BORCS5: variants seen among roughly 807,000 people sequenced by gnomAD.
BORCS5 encodes the protein BLOC-1-related complex subunit 5.
Under a neutral mutation model 22.1 loss-of-function variants are expected in BORCS5, and 17 were observed. The observed-to-expected ratio is 0.77, with a 90% confidence interval of 0.53 to 1.15. The LOEUF (loss-of-function observed/expected upper bound fraction) is 1.15, where lower values mean the gene tolerates loss of function less well. BORCS5 is among the 50% of genes most tolerant of loss of function. The pLI is 0.00. For missense variants in BORCS5, 247 were observed against 253.2 expected, an observed-to-expected ratio of 0.98 and a Z score of 0.17; for synonymous variants, 117 against 99.8, an observed-to-expected ratio of 1.17 and a Z score of -1.03.
At chr12:12,375,984 T>C (rs1863641462) in intron 2 of BORCS5, among the ~76,000 whole-genome samples, 1 of 151,992 alleles carries the variant, frequency 6.6e-6, no homozygotes, top group South Asian at 2.1e-4. Flanking sequence ...TCTGTATTTT[T>C]AGTGGAGATG....
intron 2 of BORCS5, among the ~76,000 whole-genome samples, chr12:12,393,816 C>T (rs763297187): frequency 6.6e-6 from 1 of 151,746 alleles, no homozygotes; most frequent in Non-Finnish European, 1.5e-5. Flanking sequence ...CCATCGCGCC[C>T]GGCCTTTGTC....
At chr12:12,439,559 C>A (rs1942637810) in intron 3 of BORCS5, among the ~76,000 whole-genome samples, 1 of 70,634 alleles carries the variant, frequency 1.4e-5, no homozygotes, top group Admixed American at 1.5e-4. Context: ...GCTCAGGAGG[C>A]AGAGGTTGCG....
intron 2 of BORCS5, among the ~76,000 whole-genome samples, chr12:12,412,570 C>T (rs1852329853): frequency 6.6e-6 from 1 of 152,142 alleles, no homozygotes; most frequent in Non-Finnish European, 1.5e-5. Flanking sequence ...CGTGAACAGA[C>T]ATAATTTAAC....
intron 2 of BORCS5, among the ~76,000 whole-genome samples, chr12:12,376,248 T>G (rs1371002146): frequency 6.6e-6 from 1 of 151,078 alleles, no homozygotes; most frequent in Admixed American, 6.6e-5. Flanking sequence ...TTTTTTTTTT[T>G]TTTGAGACAG....
chr12:12,412,260 T>C (rs1392193663), intron 2 of BORCS5, among the ~76,000 whole-genome samples: 1 of 152,222 alleles, frequency 6.6e-6, no homozygotes, highest in Non-Finnish European at 1.5e-5. Context: ...ATGGGGTGTC[T>C]TAACATTTGT....
chr12:12,440,439 T>C (rs1285388635), intron 3 of BORCS5, among the ~76,000 whole-genome samples: 1 of 152,170 alleles, frequency 6.6e-6, no homozygotes, highest in Non-Finnish European at 1.5e-5. Context: ...AACATGGTCC[T>C]TGCTCTTTGA....
At chr12:12,358,358 A>G (rs1177049254) in intron 1 of BORCS5, among the ~76,000 whole-genome samples, 1 of 152,212 alleles carries the variant, frequency 6.6e-6, no homozygotes, top group Non-Finnish European at 1.5e-5. Context: ...AATAGATCTA[A>G]GGGTGTTTCA....
chr12:12,450,405 T>C (rs1942885288), intron 3 of BORCS5, among the ~76,000 whole-genome samples: 1 of 152,266 alleles, frequency 6.6e-6, no homozygotes, highest in Non-Finnish European at 1.5e-5. Context: ...ACAGACGAAC[T>C]GCCAGTGAAA....
chr12:12,455,944 T>C (rs1942992031), intron 3 of BORCS5, among the ~76,000 whole-genome samples: 1 of 152,258 alleles, frequency 6.6e-6, no homozygotes, highest in Non-Finnish European at 1.5e-5. Context: ...CATTTTTCTT[T>C]TGACCATGAG....
At chr12:12,372,877 C>T (rs1863560668) in intron 2 of BORCS5, among the ~76,000 whole-genome samples, 1 of 152,126 alleles carries the variant, frequency 6.6e-6, no homozygotes, top group South Asian at 2.1e-4. Context: ...TCAAGGCTGC[C>T]CCCTTCTCTC....
chr12:12,426,767 T>A (rs1344071490), intron 2 of BORCS5, among the ~76,000 whole-genome samples: 1 of 152,244 alleles, frequency 6.6e-6, no homozygotes, highest in African/African-American at 2.4e-5. Flanking sequence ...AGATGTAAGA[T>A]AAATTGTCCA....
At chr12:12,363,330 C>T (rs1000120813) in intron 2 of BORCS5, among the ~76,000 whole-genome samples, 2 of 150,094 alleles carry the variant, frequency 1.3e-5, no homozygotes, top group African/African-American at 2.4e-5. Flanking sequence ...CCAGGCGCTG[C>T]GGCTCATGCC....
At chr12:12,409,962 T>G (rs1204128185) in intron 2 of BORCS5, among the ~76,000 whole-genome samples, 46 of 152,140 alleles carry the variant, frequency 3.0e-4, no homozygotes, top group African/African-American at 5.8e-4. Context: ...GTTTTGATTT[T>G]CATTTCTCTG....
intron 2 of BORCS5, among the ~76,000 whole-genome samples, chr12:12,388,956 T>C (rs150690118): frequency 0.013 from 1,962 of 151,180 alleles, 100 homozygotes; most frequent in South Asian, 0.032. Context: ...CGAGGCCTAT[T>C]TATTTTGGCC....
chr12:12,387,246 C>T (rs1347487432), intron 2 of BORCS5, among the ~76,000 whole-genome samples: 2 of 151,410 alleles, frequency 1.3e-5, no homozygotes, highest in Non-Finnish European at 1.5e-5. Context: ...ACTGTCTATC[C>T]ATTTGCCAGC....
chr12:12,446,016 G>A (rs1297666519), intron 3 of BORCS5, among the ~76,000 whole-genome samples: 3 of 152,172 alleles, frequency 2.0e-5, no homozygotes, highest in Admixed American at 2.0e-4. Context: ...CCTGCCTGCA[G>A]CTTTTTGACT....
chr12:12,388,956 T>G (rs150690118), intron 2 of BORCS5, among the ~76,000 whole-genome samples: 1 of 151,066 alleles, frequency 6.6e-6, no homozygotes, highest in Non-Finnish European at 1.5e-5. Context: ...CGAGGCCTAT[T>G]TATTTTGGCC....
intron 1 of BORCS5, among the ~76,000 whole-genome samples, chr12:12,359,942 T>C (rs1316983952): frequency 6.6e-6 from 1 of 152,094 alleles, no homozygotes; most frequent in Non-Finnish European, 1.5e-5. Context: ...ATTTTAGAAA[T>C]AGGGAGATAT....
At position 12,431,403 on chromosome 12, in the gene BORCS5, C is replaced by CTTTTTTT. The variant is rs386375632; in HGVS notation, c.203-4213_203-4207dup. Among the ~76,000 whole-genome samples the CTTTTTTT allele has an allele frequency of 6.5e-4, 79 of 121,088 alleles. 2 individuals are homozygous for CTTTTTTT. Among genetic ancestry groups the CTTTTTTT allele is most frequent in the Non-Finnish European group, 9.9e-4 (60 of 60,644 alleles). 79.4% of individuals were successfully genotyped at this position (121,088 alleles called of 152,430 possible). A position where few individuals can be genotyped will look rare whatever the true frequency, so the allele number is the denominator to read the frequency against. On this transcript the variant is annotated intron_variant, in intron 2 of 3. Transcript: ENST00000314565. ...TTTGTTCATCTTTCTTTTGCTAATT[C>CTTTTTTT]TTTTTTTTTTTTTTTTTTGAGACGG... is the stretch of plus-strand genomic sequence containing the variant.
Sources: allele counts gnomAD v4.1 joint callset (sites outside exome capture counted in the v4.1 genomes callset), GRCh38; gene constraint gnomAD v4.1.1; transcripts MANE v1.5; gene names NCBI Gene and HGNC (gene_info 2026-07-23, HGNC 2026-07-21).